NLRP5: variants seen among roughly 807,000 people sequenced by gnomAD.
NLRP5 encodes NLR family pyrin domain containing 5.
A neutral mutation model predicts 113.1 loss-of-function variants in NLRP5; 93 were observed. That is an observed-to-expected ratio of 0.82 (90% CI 0.70 to 0.98). The LOEUF is 0.98. Ranked by LOEUF, NLRP5 falls within the 50% of genes least tolerant of loss-of-function variation. The pLI is 0.00. For synonymous variants in NLRP5, 751 were observed against 600.7 expected, an observed-to-expected ratio of 1.25 and a Z score of -3.66; for missense variants, 1,808 against 1,514.3, an observed-to-expected ratio of 1.19 and a Z score of -3.22.
At position 56,038,350 on chromosome 19, in the gene NLRP5, G is replaced by A. The variant is rs576141717; in HGVS notation, c.2786+155G>A. 1.1e-4 allele frequency among the ~76,000 whole-genome samples: 16 copies of A among 152,242 alleles called. No homozygotes were observed. In the East Asian group the frequency reaches 2.7e-3, roughly 26 times the overall value. The stretch of plus-strand genomic sequence containing the variant: ...ACCTCCCAAGACCTGCCCAGTGTGG[G>A]GTGTAAGAGTGACCTGAAAAACATC... On this transcript the variant is annotated intron_variant, in intron 10 of 14. Transcript: ENST00000390649.
At chr19:55,988,853 C>T in the NLRP5 span, among the ~76,000 whole-genome samples, 58 of 152,250 alleles carry the variant, frequency 3.8e-4, no homozygotes, top group African/African-American at 1.3e-3. Flanking sequence ...GAGTCTTTGT[C>T]TTCTGTGTTT....
At chr19:56,013,595 G>GTTTTTTTTTTTTTTTTTTTTTT (rs1418924718) in intron 3 of NLRP5, among the ~76,000 whole-genome samples, 2 of 30,984 alleles carry the variant, frequency 6.5e-5, no homozygotes, top group Non-Finnish European at 5.7e-5. Flanking sequence ...TGGACATTTG[G>GTTTTTTTTTTTTTTTTTTTTTT]GTTTTTTTTT....
rs1982055283 is a variant in NLRP5 at position 56,008,785 on chromosome 19, C to T, written c.443-3C>T. ...CCAGTCTCCCTTTTTCTTTGTCTTC[C>T]AGGACATTCACCAGAAGATCCTGAA... On this transcript the variant is annotated splice_region_variant and splice_polypyrimidine_tract_variant and intron_variant, in intron 2 of 14. Coordinates refer to ENST00000390649, the MANE Select transcript of NLRP5 (RefSeq NM_153447.4). 1 of 1,607,652 alleles carries T rather than the reference C, an allele frequency of 6.2e-7. No individual in the cohort carries two copies. The highest frequency in any genetic ancestry group is 2.2e-5 in the East Asian group (1 of 44,796).
chr19:56,019,315 A>G (rs1275330465), intron 4 of NLRP5, 27 bp from the exon 5 acceptor site: 6 of 1,613,760 alleles, frequency 3.7e-6, no homozygotes, highest in South Asian at 1.1e-5. Context: ...AAACACAAGT[A>G]TGTTGGAATT....
chr19:55,998,714 G>GTATATATATATATATATGTGTATA (rs1555762453), upstream of NLRP5, among the ~76,000 whole-genome samples: 1 of 76,004 alleles, frequency 1.3e-5, no homozygotes, highest in African/African-American at 5.7e-5. Flanking sequence ...GTGTGTGTGT[G>GTATATATATATATATATGTGTATA]TATATATATA....
chr19:56,014,336 C>T lies in NLRP5; in HGVS notation c.509-1406C>T, dbSNP rs147542149. The stretch of plus-strand genomic sequence containing the variant: ...TCTACTAAAATACAAAAAAATCCAC[C>T]AGGCATGGTGGCGCTTTCCTGTAGT... On this transcript the variant is annotated intron_variant, in intron 3 of 14. Coordinates refer to ENST00000390649, the MANE Select transcript of NLRP5 (RefSeq NM_153447.4). 4.5e-3 allele frequency among the ~76,000 whole-genome samples: 681 copies of T among 152,076 alleles called. 4 individuals carry two copies. Among genetic ancestry groups the T allele is most frequent in the African/African-American group, 0.016 (650 of 41,480 alleles).
upstream of NLRP5, among the ~76,000 whole-genome samples, chr19:55,995,403 A>G (rs985511940): frequency 1.3e-5 from 2 of 152,202 alleles, no homozygotes; most frequent in African/African-American, 4.8e-5. Context: ...TGAAAAATAC[A>G]TTAAAAAAGA....
chr19:56,040,293 C>A (rs544903551), intron 10 of NLRP5, among the ~76,000 whole-genome samples: 1 of 152,124 alleles, frequency 6.6e-6, no homozygotes, highest in Admixed American at 6.5e-5. Flanking sequence ...CAGTGGCTCA[C>A]GCCTGTAATC....
At chr19:56,044,396 G>A (rs1377921888) in intron 11 of NLRP5, among the ~76,000 whole-genome samples, 1 of 152,194 alleles carries the variant, frequency 6.6e-6, no homozygotes, top group African/African-American at 2.4e-5. Context: ...TTTTGTGTTA[G>A]GTGAGAGATG....
chr19:55,998,700 ATATGTGTGTGTG>A (rs1428780200), upstream of NLRP5, among the ~76,000 whole-genome samples: 16 of 89,580 alleles, frequency 1.8e-4, 1 homozygote, highest in Admixed American at 7.5e-4. Flanking sequence ...ATATATATAT[ATATGTGTGTGTG>A]TGTATATATA....
At chr19:56,024,527 A>ATG (rs1568489586) in intron 6 of NLRP5, among the ~76,000 whole-genome samples, 6 of 88,328 alleles carry the variant, frequency 6.8e-5, no homozygotes, top group Admixed American at 4.4e-4. Flanking sequence ...ATGTATATGT[A>ATG]TACATATGTA....
chr19:56,052,879 G>A (rs1037709620), intron 12 of NLRP5, among the ~76,000 whole-genome samples: 3 of 152,226 alleles, frequency 2.0e-5, no homozygotes, highest in Non-Finnish European at 2.9e-5. Flanking sequence ...CTCCTCCCCC[G>A]TGGAGAATCT....
intron 11 of NLRP5, among the ~76,000 whole-genome samples, chr19:56,048,867 A>G (rs906520048): frequency 2.7e-5 from 4 of 150,872 alleles, no homozygotes; most frequent in South Asian, 4.2e-4. Flanking sequence ...TTAGGTTTGC[A>G]TTTAACATAA....
At chr19:56,040,887 C>G in intron 10 of NLRP5, 35 bp from the exon 11 acceptor site, 1 of 1,581,312 alleles carries the variant, frequency 6.3e-7, no homozygotes, top group Non-Finnish European at 8.6e-7. Flanking sequence ...AAGAAGGCAT[C>G]TCATCATGTC....
At chr19:56,040,537 A>G (rs750328043) in intron 10 of NLRP5, among the ~76,000 whole-genome samples, 4 of 152,226 alleles carry the variant, frequency 2.6e-5, no homozygotes, top group Non-Finnish European at 5.9e-5. Flanking sequence ...ACTGCACTCC[A>G]GCCTGGGCAA....
chr19:56,040,821 A>G, intron 10 of NLRP5, 101 bp from the exon 11 acceptor site: 3 of 993,228 alleles, frequency 3.0e-6, no homozygotes, highest in South Asian at 1.6e-5. Flanking sequence ...GGACATGCCA[A>G]CTATGGGGGT....
intron 1 of NLRP5, among the ~76,000 whole-genome samples, chr19:56,000,566 G>A (rs140178925): frequency 0.071 from 10,703 of 151,406 alleles, 476 homozygotes; most frequent in East Asian, 0.19. Flanking sequence ...GGGTTTCACC[G>A]TGTTAGCCAG....
intron 3 of NLRP5, 120 bp downstream of exon 3, chr19:56,008,973 C>A (rs902081530): frequency 1.2e-6 from 1 of 840,958 alleles, no homozygotes; most frequent in Non-Finnish European, 2.0e-6. Context: ...AGTCTAACTA[C>A]CCTACATTAG....
rs964450108 is a variant in NLRP5 at position 56,061,482 on chromosome 19, G to C, written c.3557G>C (p.Ser1186Thr). 6.2e-7 allele frequency: 1 copy of C among 1,614,052 alleles called. No individual in the cohort carries two copies. The highest frequency in any genetic ancestry group is 1.7e-4 in the Middle Eastern group (1 of 6,060). ...AAGCCCCGAGTCGTAATTGACGGTAGTTGGCATTCTTTTGATGAAGATGAC... is the reference window on the plus strand; with the variant it reads ...AAGCCCCGAGTCGTAATTGACGGTACTTGGCATTCTTTTGATGAAGATGAC... The change falls in exon 15 of 15, where the codon AGT (serine) becomes ACT (threonine). Residue 1186 changes from serine to threonine, a missense_variant. Coordinates refer to ENST00000390649, the MANE Select transcript of NLRP5 (RefSeq NM_153447.4).
Sources: allele counts gnomAD v4.1 joint callset (sites outside exome capture counted in the v4.1 genomes callset), GRCh38; gene constraint gnomAD v4.1.1; transcripts MANE v1.5; gene names NCBI Gene and HGNC (gene_info 2026-07-23, HGNC 2026-07-21).